The following CSNK1G3 variants were observed in gnomAD, a reference collection of about 807,000 sequenced individuals.
CSNK1G3 encodes the protein casein kinase I isoform gamma-3.
Under a neutral mutation model 64.3 loss-of-function variants are expected in CSNK1G3, and 23 were observed. The observed-to-expected ratio is 0.36, with a 90% CI of 0.26 to 0.51. The LOEUF is 0.51. CSNK1G3 is among the 20% of genes least tolerant of loss of function. The pLI is 0.96. For synonymous variants in CSNK1G3, 158 were observed against 162.2 expected (o/e 0.97, Z 0.20); for missense variants, 357 against 510.5 (o/e 0.70, Z 2.90).
At chr5:123,522,156 G>C (rs1778219199) in intron 1 of CSNK1G3, among the ~76,000 whole-genome samples, 1 of 152,068 alleles carries the variant, frequency 6.6e-6, no homozygotes, top group African/African-American at 2.4e-5. Context: ...TTAAAGTAGT[G>C]GCTTCTGCTC....
At position 123,572,502 on chromosome 5, in the gene CSNK1G3, G is replaced by A. The variant is rs192444200; in HGVS notation, c.290-891G>A. 4.6e-5 allele frequency among the ~76,000 whole-genome samples: 7 copies of A among 152,272 alleles called. No individual in the cohort carries two copies. In the East Asian group the frequency reaches 9.6e-4, roughly 21 times the overall value. Reference sequence around the variant, plus strand: ...CAATTTCTATGGGTCAGGAATACGGGCATGGCTTTGCTGGGTCTTCTGTTT... The same window carrying A: ...CAATTTCTATGGGTCAGGAATACGGACATGGCTTTGCTGGGTCTTCTGTTT... On this transcript the variant is annotated intron_variant, in intron 4 of 12. Coordinates refer to ENST00000345990, the Ensembl canonical transcript of CSNK1G3.
At chr5:123,562,839 T>C (rs956560993) in intron 4 of CSNK1G3, among the ~76,000 whole-genome samples, 1 of 152,060 alleles carries the variant, frequency 6.6e-6, no homozygotes, top group African/African-American at 2.4e-5. Context: ...AACTCAGCCA[T>C]CTAAAATTAG....
exon 9 of CSNK1G3, chr5:123,590,437 T>C (rs1033674812): frequency 1.3e-6 from 2 of 1,495,750 alleles, no homozygotes; most frequent in Non-Finnish European, 1.8e-6. Context: ...CTTCGTTATG[T>C]AAGAAGGCTA....
Position 123,537,311 on chromosome 5 carries a change from T to C in CSNK1G3, c.-247-8106T>C, listed in dbSNP as rs369935693. ...CAACATGGATAGAACTGGAGGTCAT[T>C]ATCTTAAGCTAGGAACAGAAAGTCA... On this transcript the variant is annotated intron_variant, in intron 1 of 12. Coordinates refer to ENST00000345990, the Ensembl canonical transcript of CSNK1G3. 2.6e-5 allele frequency among the ~76,000 whole-genome samples: 4 copies of C among 152,156 alleles called. No individual in the cohort carries two copies. In the South Asian group the frequency reaches 8.3e-4, roughly 32 times the overall value.
intron 2 of CSNK1G3, among the ~76,000 whole-genome samples, chr5:123,547,114 A>G (rs1355515773): frequency 6.6e-6 from 1 of 152,136 alleles, no homozygotes; most frequent in African/African-American, 2.4e-5. Context: ...CTTATTACAT[A>G]TTTATCATGT....
intron 4 of CSNK1G3, among the ~76,000 whole-genome samples, chr5:123,562,030 C>T (rs1050863734): frequency 2.6e-5 from 4 of 152,138 alleles, no homozygotes; most frequent in Non-Finnish European, 4.4e-5. Context: ...CACAGAGGGG[C>T]ACATCATTTA....
chr5:123,581,458 T>C (rs1201577639), intron 6 of CSNK1G3, among the ~76,000 whole-genome samples: 1 of 148,840 alleles, frequency 6.7e-6, no homozygotes, highest in African/African-American at 2.5e-5. Flanking sequence ...TGCTTTTCTC[T>C]ACCTTTGATT....
chr5:123,560,679 CT>C (rs1378771838), intron 4 of CSNK1G3, among the ~76,000 whole-genome samples: 3 of 151,870 alleles, frequency 2.0e-5, no homozygotes, highest in African/African-American at 7.3e-5. Context: ...TGCCATTGTA[CT>C]AAAAAAAGGA....
chr5:123,613,236 C>G (rs2151277035), intron 12 of CSNK1G3, among the ~76,000 whole-genome samples: 1 of 150,856 alleles, frequency 6.6e-6, no homozygotes, highest in Non-Finnish European at 1.5e-5. Context: ...CAGTTCATAC[C>G]AGACCACAGC....
intron 1 of CSNK1G3, among the ~76,000 whole-genome samples, chr5:123,526,779 T>C (rs1288202822): frequency 1.3e-5 from 2 of 152,118 alleles, no homozygotes; most frequent in African/African-American, 4.8e-5. Context: ...TTCCATTGTA[T>C]GGATGTACCT....
At chr5:123,536,550 A>C (rs1158479100) in intron 1 of CSNK1G3, among the ~76,000 whole-genome samples, 2 of 151,868 alleles carry the variant, frequency 1.3e-5, no homozygotes, top group Admixed American at 1.3e-4. Context: ...AGCTAGAAGG[A>C]GTATATTGAA....
chr5:123,556,558 G>A (rs1784656230), intron 3 of CSNK1G3, among the ~76,000 whole-genome samples: 1 of 151,694 alleles, frequency 6.6e-6, no homozygotes, highest in Non-Finnish European at 1.5e-5. Context: ...TAATCTGCTG[G>A]CAAAATGAGT....
intron 6 of CSNK1G3, among the ~76,000 whole-genome samples, chr5:123,578,916 A>G (rs1228980941): frequency 6.6e-6 from 1 of 151,996 alleles, no homozygotes; most frequent in African/African-American, 2.4e-5. Context: ...ATATCAGAGA[A>G]AGTACAAACT....
At position 123,517,931 on chromosome 5, in the gene CSNK1G3, GAAAAAAA is replaced by G. The variant is rs529062252; in HGVS notation, c.-248+5372_-248+5378del. 2.5e-4 allele frequency among the ~76,000 whole-genome samples: 27 copies of G among 106,490 alleles called. 1 individual carries two copies. The East Asian group carries it at 9.2e-3, about 36-fold the overall frequency. 69.9% of individuals were successfully genotyped at this position (106,490 alleles called of 152,430 possible). ...ATTTATTTAATAACATCCTCTTTAAGAAAAAAAAAAAAAAAAAGGAAGATCCTGTTAT... is the reference window on the plus strand; with the variant it reads ...ATTTATTTAATAACATCCTCTTTAAGAAAAAAAAAAGGAAGATCCTGTTAT... On this transcript the variant is annotated intron_variant, in intron 1 of 12. Transcript: ENST00000345990.
chr5:123,590,435 T>C (rs777696373), exon 9 of CSNK1G3: 16 of 1,492,074 alleles, frequency 1.1e-5, no homozygotes, highest in South Asian at 9.5e-5. Flanking sequence ...ATCTTCGTTA[T>C]GTAAGAAGGC....
intron 10 of CSNK1G3, 103 bp from the exon 11 acceptor site, chr5:123,594,936 A>C (rs1288661160): frequency 1.1e-6 from 1 of 884,524 alleles, no homozygotes; most frequent in Non-Finnish European, 1.7e-6. Flanking sequence ...GGGTATTTTA[A>C]ATTTCCTTTT....
chr5:123,566,179 A>G (rs962008304), intron 4 of CSNK1G3, among the ~76,000 whole-genome samples: 1 of 152,168 alleles, frequency 6.6e-6, no homozygotes, highest in African/African-American at 2.4e-5. Flanking sequence ...GTGTGACCTA[A>G]TTTTGTTTTG....
At chr5:123,519,262 C>T (rs931142863) in intron 1 of CSNK1G3, among the ~76,000 whole-genome samples, 5 of 152,100 alleles carry the variant, frequency 3.3e-5, no homozygotes, top group African/African-American at 1.2e-4. Flanking sequence ...CCATGTTGGC[C>T]AGGCTGGTCT....
At chr5:123,559,746 T>G (rs908219265) in intron 4 of CSNK1G3, among the ~76,000 whole-genome samples, 1 of 151,798 alleles carries the variant, frequency 6.6e-6, no homozygotes. Flanking sequence ...GTGAAAGCAT[T>G]TTTAAGTACC....
Sources: allele counts gnomAD v4.1 joint callset (sites outside exome capture counted in the v4.1 genomes callset), GRCh38; gene constraint gnomAD v4.1.1; transcripts MANE v1.5; gene names NCBI Gene and HGNC (gene_info 2026-07-23, HGNC 2026-07-21).